PRKN: variants seen among roughly 807,000 people sequenced by gnomAD.
The protein encoded by PRKN is E3 ubiquitin-protein ligase parkin.
In PRKN, 56 loss-of-function variants were observed where a neutral mutation model predicts 59.5. The observed-to-expected ratio is 0.94, with a 90% CI of 0.76 to 1.18. The LOEUF is 1.18. PRKN is among the 50% of genes most tolerant of loss of function. The probability of loss-of-function intolerance (pLI) is 0.00; values close to 1 mark genes in which losing one functional copy is unlikely to be tolerated. For synonymous variants in PRKN, 250 were observed against 222.1 expected, an observed-to-expected ratio of 1.13 and a Z score of -1.12; for missense variants, 657 against 596.4, an observed-to-expected ratio of 1.10 and a Z score of -1.06.
In PRKN at chr6:161,549,725, G is replaced by C. The variant is rs906715523; in HGVS notation, c.934-722C>G. 6.6e-6 allele frequency among the ~76,000 whole-genome samples: 1 copy of C among 152,014 alleles called. No homozygotes were observed. The highest frequency in any genetic ancestry group is 1.5e-5 in the Non-Finnish European group (1 of 68,016). On this transcript the variant is annotated intron_variant, in intron 8 of 11. Coordinates refer to ENST00000366898, the MANE Select transcript of PRKN (RefSeq NM_004562.3). The surrounding 1 kb of genome is among the most constrained non-coding windows in gnomAD (Gnocchi z 6.0). ...TTCTTTGTGGCAGCCCTACACTTTT[G>C]ATCTTACATTATTTGTAATATAAAC... is the stretch of plus-strand genomic sequence containing the variant.
chr6:161,582,411 G>A lies in PRKN; in HGVS notation c.872-12995C>T, dbSNP rs928733644. Among the ~76,000 whole-genome samples the A allele has an allele frequency of 8.3e-5, 9 of 108,088 alleles. No individual in the cohort carries two copies. The highest frequency in any genetic ancestry group is 6.3e-4 in the Admixed American group (7 of 11,118). 70.9% of individuals were successfully genotyped at this position (108,088 alleles called of 152,430 possible). A position where few individuals can be genotyped will look rare whatever the true frequency, so the allele number is the denominator to read the frequency against. The stretch of plus-strand genomic sequence containing the variant: ...TGAACTAGGAAAGACTGCATCTGCA[G>A]ACTATTATTATTATTATTATTATTA... On this transcript the variant is annotated intron_variant, in intron 7 of 11. Transcript: ENST00000366898. The surrounding 1 kb of genome is among the most constrained non-coding windows in gnomAD (Gnocchi z 4.4).
intron 9 of PRKN, among the ~76,000 whole-genome samples, chr6:161,542,603 A>T (rs1779655854): frequency 6.6e-6 from 1 of 152,252 alleles, no homozygotes; most frequent in South Asian, 2.1e-4. Flanking sequence ...AGATTTTTGG[A>T]CACATGTCAA....
rs35219002 is a variant in PRKN, at chr6:161,357,048, CTTTTTTTT to C, written c.1285+3032_1285+3039del. Among the ~76,000 whole-genome samples the C allele has an allele frequency of 8.6e-6, 1 of 115,610 alleles. No individual in the cohort carries two copies. Among genetic ancestry groups the C allele is most frequent in the African/African-American group, 3.5e-5 (1 of 28,984 alleles). The allele number at this position is 115,610 out of a possible 152,430, so 75.8% of individuals were successfully genotyped here. A position where few individuals can be genotyped will look rare whatever the true frequency, so the allele number is the denominator to read the frequency against. ...CAGGTCCAGGTTCGCTGACCACTTC[CTTTTTTTT>C]TTTTTTTTTTTTTGAGACAGAGTCT... On this transcript the variant is annotated intron_variant, in intron 11 of 11. Coordinates refer to ENST00000366898, the MANE Select transcript of PRKN (RefSeq NM_004562.3). This position sits in a 1 kb window ranked among gnomAD's most constrained non-coding sequence, Gnocchi z 5.5.
chr6:162,710,457 G>T (rs1341994504), intron 1 of PRKN, among the ~76,000 whole-genome samples: 1 of 150,198 alleles, frequency 6.7e-6, no homozygotes, highest in African/African-American at 2.5e-5. Flanking sequence ...CAACTGTTAT[G>T]AGTCCAAGTT....
chr6:161,912,696 C>A (rs1057181789), intron 6 of PRKN, among the ~76,000 whole-genome samples: 3 of 151,992 alleles, frequency 2.0e-5, no homozygotes, highest in Non-Finnish European at 2.9e-5. Context: ...CCAGTCAAGC[C>A]ATTCCAGTTG....
In PRKN at chr6:161,386,743, C is replaced by T. The variant is rs775013357; in HGVS notation, c.1167+51G>A. 2 of 1,379,466 alleles carry T rather than the reference C, an allele frequency of 1.4e-6. No individual in the cohort carries two copies. Among genetic ancestry groups the T allele is most frequent in the African/African-American group, 1.4e-5 (1 of 70,444 alleles). 85.5% of individuals were successfully genotyped at this position (1,379,466 alleles called of 1,614,324 possible). A position where few individuals can be genotyped will look rare whatever the true frequency, so the allele number is the denominator to read the frequency against. ...TGACCTCCAGGAAACGGCTCCAGTC[C>T]CCCACTGTATCCGGAGCCCTGCTTG... On this transcript the variant is annotated intron_variant, in intron 10 of 11. Coordinates refer to ENST00000366898, the MANE Select transcript of PRKN (RefSeq NM_004562.3). This position sits in a 1 kb window ranked among gnomAD's most constrained non-coding sequence, Gnocchi z 4.3.
intron 5 of PRKN, among the ~76,000 whole-genome samples, chr6:161,989,000 A>G (rs1781544408): frequency 6.6e-6 from 1 of 152,180 alleles, no homozygotes; most frequent in Admixed American, 6.5e-5. Context: ...CAGGTTAGTT[A>G]CATATGTATA....
At chr6:162,103,828 C>T (rs1780078308) in intron 4 of PRKN, among the ~76,000 whole-genome samples, 1 of 152,202 alleles carries the variant, frequency 6.6e-6, no homozygotes, top group Non-Finnish European at 1.5e-5. Flanking sequence ...AGTAAAATGC[C>T]TCTGCCAGCT....
At chr6:161,537,559 C>T (rs1779459583) in intron 9 of PRKN, among the ~76,000 whole-genome samples, 1 of 151,736 alleles carries the variant, frequency 6.6e-6, no homozygotes, top group African/African-American at 2.4e-5. Context: ...TCACACCATT[C>T]TCCTGCCTCA....
chr6:161,952,289 A>G (rs1780019056), intron 6 of PRKN, among the ~76,000 whole-genome samples: 1 of 152,142 alleles, frequency 6.6e-6, no homozygotes, highest in Non-Finnish European at 1.5e-5. Context: ...CAGTGAAGAG[A>G]GGCTTTATCA....
intron 6 of PRKN, among the ~76,000 whole-genome samples, chr6:161,851,066 G>A (rs1019868311): frequency 3.9e-5 from 6 of 152,216 alleles, no homozygotes; most frequent in Non-Finnish European, 7.3e-5. Flanking sequence ...AAGTTCCTAA[G>A]TTGGACACTT....
rs960617815 is a variant in PRKN at position 161,400,141 on chromosome 6, C to T, written c.1084-13264G>A. On this transcript the variant is annotated intron_variant, in intron 9 of 11. Transcript: ENST00000366898. The surrounding 1 kb of genome is among the most constrained non-coding windows in gnomAD (Gnocchi z 4.2). The stretch of plus-strand genomic sequence containing the variant: ...AGTGGCCACCATGCTGGCCACCACG[C>T]TGGACTGCGCAGGTCTACAAGGACC... Among the ~76,000 whole-genome samples, 1 of 152,056 alleles carries T rather than the reference C, an allele frequency of 6.6e-6. No individual in the cohort carries two copies. The highest frequency in any genetic ancestry group is 1.5e-5 in the Non-Finnish European group (1 of 68,022).
intron 7 of PRKN, among the ~76,000 whole-genome samples, chr6:161,687,289 T>C (rs2128174276): frequency 7.2e-6 from 1 of 138,826 alleles, no homozygotes; most frequent in East Asian, 2.3e-4. Context: ...CTCGGGAGGC[T>C]GAGACAGGGG....
At chr6:161,725,196 C>T (rs182469766) in intron 7 of PRKN, among the ~76,000 whole-genome samples, 97 of 152,256 alleles carry the variant, frequency 6.4e-4, no homozygotes, top group African/African-American at 2.2e-3. Flanking sequence ...TAATGCAGGA[C>T]GGCCTAACAC....
intron 9 of PRKN, among the ~76,000 whole-genome samples, chr6:161,416,489 A>G (rs151120234): frequency 1.4e-4 from 21 of 152,132 alleles, no homozygotes; most frequent in Middle Eastern, 3.4e-3. Flanking sequence ...TATATTTGCT[A>G]AACAACTCAC....
At chr6:162,002,277 T>A (rs1298369005) in intron 5 of PRKN, among the ~76,000 whole-genome samples, 2 of 152,060 alleles carry the variant, frequency 1.3e-5, no homozygotes, top group African/African-American at 4.8e-5. Context: ...CTAGTGAACC[T>A]AACTGGAGCT....
chr6:162,508,870 A>C (rs1793720132), intron 1 of PRKN, among the ~76,000 whole-genome samples: 1 of 152,028 alleles, frequency 6.6e-6, no homozygotes, highest in Non-Finnish European at 1.5e-5. Flanking sequence ...AAAAACAAAA[A>C]ACAAACAAAA....
intron 7 of PRKN, among the ~76,000 whole-genome samples, chr6:161,599,810 A>G (rs1583277882): frequency 6.6e-6 from 1 of 152,168 alleles, no homozygotes; most frequent in African/African-American, 2.4e-5. Flanking sequence ...AACACTCCCA[A>G]AGTATTTTCT....
At position 161,582,181 on chromosome 6, in the gene PRKN, G is replaced by A. The variant is rs1324410873; in HGVS notation, c.872-12765C>T. On this transcript the variant is annotated intron_variant, in intron 7 of 11. Transcript: ENST00000366898. The surrounding 1 kb of genome is among the most constrained non-coding windows in gnomAD (Gnocchi z 4.4). ...CACAGAAAGTAACAGTTTTAAAGGA[G>A]ATATTTTAAAAGGTAGAATTTCCAA... Among the ~76,000 whole-genome samples the A allele has an allele frequency of 2.0e-5, 3 of 152,110 alleles. No individual in the cohort carries two copies. Among genetic ancestry groups the A allele is most frequent in the Non-Finnish European group, 2.9e-5 (2 of 68,028 alleles).
Sources: allele counts gnomAD v4.1 joint callset (sites outside exome capture counted in the v4.1 genomes callset), GRCh38; gene constraint gnomAD v4.1.1; non-coding constraint Gnocchi (gnomAD v3.1); transcripts MANE v1.5; gene names NCBI Gene and HGNC (gene_info 2026-07-23, HGNC 2026-07-21).